Variants in FBXO42 observed in about 807,000 individuals in gnomAD.
The protein encoded by FBXO42 is F-box protein 42.
In FBXO42, 12 loss-of-function variants were observed where a neutral mutation model predicts 71.7. The ratio of observed to expected loss-of-function variants is 0.17; its 90% CI spans 0.11 to 0.27. FBXO42 has a LOEUF of 0.27. Ranked by LOEUF, FBXO42 falls within the 10% of genes least tolerant of loss-of-function variation. The pLI, the probability that FBXO42 is intolerant of heterozygous loss-of-function variation, is 1.00. For synonymous variants in FBXO42, 325 were observed against 327.5 expected, an observed-to-expected ratio of 0.99 and a Z score of 0.08; for missense variants, 707 against 911.9, an observed-to-expected ratio of 0.78 and a Z score of 2.89.
chr1:16,261,764 C>A (rs1315881990), intron 4 of FBXO42, among the ~76,000 whole-genome samples: 1 of 151,878 alleles, frequency 6.6e-6, no homozygotes, highest in South Asian at 2.1e-4. Flanking sequence ...AGTGCAGTGG[C>A]GCGATCTCGG....
chr1:16,316,210 G>A (rs1422466581), intron 1 of FBXO42, among the ~76,000 whole-genome samples: 1 of 149,736 alleles, frequency 6.7e-6, no homozygotes, highest in Non-Finnish European at 1.5e-5. Flanking sequence ...AGAAAGAACA[G>A]TTTTTCTAAA....
intron 4 of FBXO42, among the ~76,000 whole-genome samples, chr1:16,284,773 G>A (rs1162668627): frequency 6.6e-6 from 1 of 152,146 alleles, no homozygotes; most frequent in East Asian, 1.9e-4. Context: ...TTTGAGACCA[G>A]CCTGACCAAC....
intron 4 of FBXO42, among the ~76,000 whole-genome samples, chr1:16,283,494 G>GTTTTTTTTTTTTGTTTTTTTTTTTTTTTT (rs763063776): frequency 6.2e-5 from 5 of 80,972 alleles, no homozygotes; most frequent in African/African-American, 8.9e-5. Flanking sequence ...ACTGTGGCAA[G>GTTTTTTTTTTTTGTTTTTTTTTTTTTTTT]TTTTTTTTTT....
Position 16,305,919 on chromosome 1 carries a change from C to T in FBXO42, c.251G>A (p.Gly84Asp), listed in dbSNP as rs778522371. 1.2e-6 allele frequency: 2 copies of T among 1,610,090 alleles called. No individual in the cohort carries two copies. Among genetic ancestry groups the T allele is most frequent in the African/African-American group, 1.3e-5 (1 of 74,974 alleles). Residue 84 changes from glycine to aspartate, a missense_variant and splice_region_variant, in exon 3 of 10, where the codon GGT becomes GAT. By Grantham distance (94) the Gly-to-Asp change is moderately conservative (BLOSUM62 -1). This residue lies in a region of FBXO42 where 188 missense variants were observed against 230.5 expected (regional missense o/e 0.82). Coordinates refer to ENST00000375592, the MANE Select transcript of FBXO42 (RefSeq NM_018994.3). ...ACCATGATAACACTGATGGGCTACA[C>T]CTAAGACAGAAAGAGCAAACCCTTC... ...VCKQWYRLIK[G>D]VAHQCYHGFM...
intron 2 of FBXO42, among the ~76,000 whole-genome samples, chr1:16,313,320 AAAACAAAGAAAGAAAG>A (rs1421112964): frequency 6.4e-5 from 7 of 110,224 alleles, no homozygotes; most frequent in African/African-American, 2.3e-4. Context: ...AAGAGAAAAG[AAAACAAAGAAAGAAAG>A]AAAGAAAGAA....
intron 1 of FBXO42, among the ~76,000 whole-genome samples, chr1:16,349,780 T>C (rs1431327935): frequency 6.6e-6 from 1 of 152,200 alleles, no homozygotes; most frequent in Non-Finnish European, 1.5e-5. Flanking sequence ...GAGAATCGCC[T>C]GAACCGGAGA....
At chr1:16,257,197 G>A (rs998243553) in intron 4 of FBXO42, among the ~76,000 whole-genome samples, 1 of 152,100 alleles carries the variant, frequency 6.6e-6, no homozygotes, top group Non-Finnish European at 1.5e-5. Context: ...AGAGGACCAG[G>A]GAGAAGTATA....
At position 16,253,147 on chromosome 1, in the gene FBXO42, G is replaced by C. The variant is rs552728510; in HGVS notation, c.870C>G (p.Val290=). The change falls in exon 8 of 10, where the codon GTC becomes GTG. Residue 290 remains valine, a synonymous_variant. Coordinates refer to ENST00000375592, the MANE Select transcript of FBXO42 (RefSeq NM_018994.3). ...GGATTAAGATAGTTGCATCATCTAT[G>C]ACAATCTGAGGAGGGGAAGACATTG... The part of the protein sequence containing the change: ...PHPRGGQSQI[V]IDDATILILG... 14 of 1,613,280 alleles carry C rather than the reference G, an allele frequency of 8.7e-6. No individual in the cohort carries two copies. The East Asian group carries it at 2.9e-4, about 33-fold the overall frequency.
intron 1 of FBXO42, among the ~76,000 whole-genome samples, chr1:16,345,592 G>A (rs1046014376): frequency 6.6e-6 from 1 of 152,008 alleles, no homozygotes; most frequent in African/African-American, 2.4e-5. Context: ...GCTCACGCCT[G>A]TAATCCCAGC....
chr1:16,286,060 T>A (rs527556143), intron 4 of FBXO42, among the ~76,000 whole-genome samples: 75 of 152,034 alleles, frequency 4.9e-4, no homozygotes, highest in Middle Eastern at 3.4e-3. Context: ...ATTTTTTTTT[T>A]AATTTTTTGA....
intron 2 of FBXO42, among the ~76,000 whole-genome samples, chr1:16,312,286 C>T (rs1473698958): frequency 1.3e-5 from 2 of 151,996 alleles, no homozygotes; most frequent in Non-Finnish European, 2.9e-5. Flanking sequence ...GACTTGAGCC[C>T]GGGAGACGGA....
At chr1:16,266,254 T>C (rs922412370) in intron 4 of FBXO42, among the ~76,000 whole-genome samples, 5 of 145,670 alleles carry the variant, frequency 3.4e-5, no homozygotes, top group Non-Finnish European at 5.9e-5. Flanking sequence ...ATATTTAACT[T>C]ATTAATAAGG....
intron 3 of FBXO42, among the ~76,000 whole-genome samples, chr1:16,300,383 CAGTTCTGAAT>C (rs1557591346): frequency 6.6e-6 from 1 of 152,220 alleles, no homozygotes; most frequent in African/African-American, 2.4e-5. Context: ...CAGTTCTTCA[CAGTTCTGAAT>C]ACTTCTCCAC....
At chr1:16,319,506 A>C (rs1010652841) in intron 1 of FBXO42, among the ~76,000 whole-genome samples, 2 of 152,332 alleles carry the variant, frequency 1.3e-5, no homozygotes, top group East Asian at 3.9e-4. Context: ...GAGTGGCTTA[A>C]GTCCACCTGG....
intron 4 of FBXO42, among the ~76,000 whole-genome samples, chr1:16,284,334 C>T (rs769530631): frequency 6.6e-6 from 1 of 152,216 alleles, no homozygotes; most frequent in Non-Finnish European, 1.5e-5. Context: ...CATCTACCCA[C>T]TCACCAGCAC....
rs765189676 is a variant in FBXO42, at chr1:16,315,207, G to A, written c.212C>T (p.Ala71Val). Residue 71 changes from alanine (A) to valine (V), a missense_variant, in exon 2 of 10, where the codon GCG (alanine) becomes GTG (valine). Coordinates refer to ENST00000375592, the MANE Select transcript of FBXO42 (RefSeq NM_018994.3). ...FLSPYQEHKT[A>V]ALVCKQWYRL... is the part of the protein sequence containing the mutation. ...ATACCACTGTTTGCAGACAAGGGCC[G>A]CAGTTTTGTGTTCCTGATACGGTGA... is the stretch of plus-strand genomic sequence containing the variant. 11 of 1,613,912 alleles carry A rather than the reference G, an allele frequency of 6.8e-6. No individual in the cohort carries two copies. The highest frequency in any genetic ancestry group is 3.3e-5 in the South Asian group (3 of 91,076).
intron 4 of FBXO42, among the ~76,000 whole-genome samples, chr1:16,273,693 A>C (rs1301971847): frequency 6.6e-6 from 1 of 152,060 alleles, no homozygotes; most frequent in Non-Finnish European, 1.5e-5. Flanking sequence ...CAGCCTGGGC[A>C]ACATGATGAA....
At chr1:16,294,396 C>A (rs536884032) in intron 4 of FBXO42, 3 of 185,044 alleles carry the variant, frequency 1.6e-5, no homozygotes, top group South Asian at 2.2e-4. Context: ...GCAACAACAA[C>A]AGATATTCAG....
At chr1:16,330,689 C>T (rs1490675127) in intron 1 of FBXO42, among the ~76,000 whole-genome samples, 1 of 152,134 alleles carries the variant, frequency 6.6e-6, no homozygotes, top group Non-Finnish European at 1.5e-5. Flanking sequence ...CGCCTGTAAT[C>T]TCAGCACTTT....
Sources: gnomAD v4.1 joint callset for allele counts (sites outside exome capture counted in the v4.1 genomes callset) on GRCh38, gnomAD v4.1.1 for gene constraint, gnomAD v4.1.1 regional missense constraint, MANE v1.5 for transcripts, NCBI Gene and HGNC (gene_info 2026-07-23, HGNC 2026-07-21) for gene names.